Variants in YLPM1 observed in about 807,000 individuals in gnomAD.
YLPM1 encodes the protein YLP motif-containing protein 1.
A neutral mutation model predicts 230.0 loss-of-function variants in YLPM1; 99 were observed. The observed-to-expected ratio is 0.43, with a 90% confidence interval of 0.37 to 0.51. YLPM1 has a LOEUF of 0.51. Ranked by LOEUF, YLPM1 falls within the 20% of genes least tolerant of loss-of-function variation. YLPM1 has a pLI of 0.00. For missense variants in YLPM1, 2,592 were observed against 2,707.7 expected (o/e 0.96, Z 0.95); for synonymous variants, 984 against 942.5 (o/e 1.04, Z -0.81).
chr14:74,780,707 AG>A (rs2091083960), intron 3 of YLPM1, 123 bp downstream of exon 3: 1 of 1,445,438 alleles, frequency 6.9e-7, no homozygotes, highest in Middle Eastern at 2.4e-4. Flanking sequence ...TTGTTTCCCA[AG>A]GGGTGCCCAA....
intron 19 of YLPM1, among the ~76,000 whole-genome samples, chr14:74,833,465 C>T (rs549238261): frequency 9.2e-5 from 14 of 152,130 alleles, no homozygotes; most frequent in African/African-American, 3.4e-4. Flanking sequence ...GTTGCCCAGG[C>T]TGGTCTTGAA....
intron 18 of YLPM1, chr14:74,827,586 T>C (rs1183207280): frequency 2.0e-6 from 2 of 985,362 alleles, no homozygotes; most frequent in African/African-American, 3.5e-5. Flanking sequence ...CCCTTCTGTA[T>C]TGCTGCCTGG....
At chr14:74,792,014 T>C (rs921509479) in intron 4 of YLPM1, among the ~76,000 whole-genome samples, 11 of 152,342 alleles carry the variant, frequency 7.2e-5, no homozygotes, top group Admixed American at 4.6e-4. Flanking sequence ...ATTTAATACA[T>C]AGCAAATGAT....
chr14:74,812,672 C>T lies in YLPM1; in HGVS notation c.5392C>T (p.Pro1798Ser), dbSNP rs2091444415. The T allele has an allele frequency of 2.5e-6, 4 of 1,613,484 alleles. No individual in the cohort carries two copies. The highest frequency in any genetic ancestry group is 3.4e-6 in the Non-Finnish European group (4 of 1,179,740). The part of the protein sequence containing the change: ...YPEERMPLPA[P>S]SLSHQPPPAP... ...TGAGGAGCGAATGCCTCTGCCAGCT[C>T]CTTCACTGAGCCACCAGCCTCCTCC... Residue 1798 changes from proline (P) to serine (S), a missense_variant, in exon 11 of 21, where the codon CCT becomes TCT. By Grantham distance (74) the Pro-to-Ser change is moderately conservative. Transcript: ENST00000325680.
chr14:74,814,491 C>A (rs2091461440), intron 11 of YLPM1, among the ~76,000 whole-genome samples: 1 of 152,146 alleles, frequency 6.6e-6, no homozygotes, highest in Non-Finnish European at 1.5e-5. Context: ...TTGTTGAATG[C>A]TTTTTCTGTG....
intron 18 of YLPM1, among the ~76,000 whole-genome samples, chr14:74,828,781 C>G (rs2091586399): frequency 6.6e-6 from 1 of 152,058 alleles, no homozygotes; most frequent in African/African-American, 2.4e-5. Flanking sequence ...GTACAACCTG[C>G]TTTTCATATG....
chr14:74,801,013 A>G (rs556470637), intron 5 of YLPM1, among the ~76,000 whole-genome samples: 2 of 152,090 alleles, frequency 1.3e-5, no homozygotes, highest in East Asian at 3.9e-4. Flanking sequence ...TCTGTCTAAA[A>G]CTCTAAAATC....
chr14:74,822,466 A>G (rs892858912), intron 17 of YLPM1, among the ~76,000 whole-genome samples: 1 of 152,196 alleles, frequency 6.6e-6, no homozygotes, highest in African/African-American at 2.4e-5. Context: ...CATCAGAGTC[A>G]TGGCAAGGAG....
At chr14:74,776,512 T>C (rs979481515) in intron 1 of YLPM1, among the ~76,000 whole-genome samples, 6 of 152,212 alleles carry the variant, frequency 3.9e-5, no homozygotes, top group African/African-American at 1.4e-4. Context: ...CTAAACAGCA[T>C]CTCAGCTCTA....
At chr14:74,828,030 G>C in intron 18 of YLPM1, 1 of 984,004 alleles carries the variant, frequency 1.0e-6, no homozygotes, top group South Asian at 4.7e-5. Context: ...TTTATGGGAA[G>C]GGGGCTTAGG....
chr14:74,830,151 A>G (rs1274474553), intron 19 of YLPM1, among the ~76,000 whole-genome samples: 2 of 152,230 alleles, frequency 1.3e-5, no homozygotes, highest in Non-Finnish European at 2.9e-5. Flanking sequence ...AGATGTTGGC[A>G]ACATGGAGGT....
chr14:74,802,471 C>CCTTTTT, intron 5 of YLPM1, 85 bp from the exon 6 acceptor site: 1 of 1,464,256 alleles, frequency 6.8e-7, no homozygotes, highest in East Asian at 2.4e-5. Context: ...TTTAGGTCTC[C>CCTTTTT]TTTTTTTAAT....
intron 18 of YLPM1, among the ~76,000 whole-genome samples, chr14:74,825,473 G>A (rs541952684): frequency 6.6e-6 from 1 of 152,126 alleles, no homozygotes; most frequent in East Asian, 1.9e-4. Context: ...CCCTCTGTGG[G>A]AAATCTTAAT....
At chr14:74,832,985 G>A (rs2091619291) in intron 19 of YLPM1, among the ~76,000 whole-genome samples, 1 of 151,806 alleles carries the variant, frequency 6.6e-6, no homozygotes, top group Non-Finnish European at 1.5e-5. Flanking sequence ...TATGTGCTGA[G>A]GATGCCGTGG....
chr14:74,775,522 A>T (rs1017817319), intron 1 of YLPM1, among the ~76,000 whole-genome samples: 2 of 152,240 alleles, frequency 1.3e-5, no homozygotes, highest in African/African-American at 4.8e-5. Flanking sequence ...AGTAAAGTGA[A>T]TTCATTTAAC....
intron 6 of YLPM1, among the ~76,000 whole-genome samples, chr14:74,806,629 A>G (rs978102464): frequency 6.6e-6 from 1 of 152,162 alleles, no homozygotes; most frequent in Non-Finnish European, 1.5e-5. Context: ...ATTGTATAAC[A>G]TCTATACTAT....
In YLPM1 at chr14:74,811,633, C is replaced by G. The variant is rs764043711; in HGVS notation, c.5242C>G (p.Arg1748Gly). Residue 1748 changes from arginine to glycine, a missense_variant, in exon 10 of 21, where the codon CGA becomes GGA. Transcript: ENST00000325680. ...TACACCTTCTAGAGCTCAGTCATATCGAGACAAAAAAGACCATTCCTCATC... is the reference window on the plus strand; with the variant it reads ...TACACCTTCTAGAGCTCAGTCATATGGAGACAAAAAAGACCATTCCTCATC... Reference protein sequence around the residue: ...RPRDDRAQSYRDKKDHSSSRR... With the variant: ...RPRDDRAQSYGDKKDHSSSRR... 1 of 1,609,040 alleles carries G rather than the reference C, an allele frequency of 6.2e-7. No homozygotes were observed. Among genetic ancestry groups the G allele is most frequent in the Non-Finnish European group, 8.5e-7 (1 of 1,178,524 alleles).
chr14:74,773,713 T>TTC (rs2091002571), intron 1 of YLPM1, among the ~76,000 whole-genome samples: 7 of 104,676 alleles, frequency 6.7e-5, no homozygotes, highest in East Asian at 4.4e-4. Context: ...TTTTCTTTCT[T>TTC]TTTTTTTTTT....
intron 11 of YLPM1, 90 bp from the exon 12 acceptor site, chr14:74,816,113 G>A: frequency 1.7e-6 from 2 of 1,208,206 alleles, no homozygotes; most frequent in Non-Finnish European, 2.3e-6. Flanking sequence ...AGTCTATCCT[G>A]GAAAATGGTA....
Sources: gnomAD v4.1 joint callset for allele counts (sites outside exome capture counted in the v4.1 genomes callset) on GRCh38, gnomAD v4.1.1 for gene constraint, MANE v1.5 for transcripts, NCBI Gene and HGNC (gene_info 2026-07-23, HGNC 2026-07-21) for gene names.